The following TUB variants were observed in gnomAD, a reference collection of about 807,000 sequenced individuals.
The protein encoded by TUB is TUB bipartite transcription factor.
In TUB, 33 loss-of-function variants were observed where a neutral mutation model predicts 59.7. The observed-to-expected ratio is 0.55, with a 90% CI of 0.42 to 0.74. TUB has a LOEUF of 0.74. Ranked by LOEUF, TUB falls within the 30% of genes least tolerant of loss-of-function variation. The probability of loss-of-function intolerance (pLI) is 0.00; values close to 1 mark genes in which losing one functional copy is unlikely to be tolerated. For missense variants in TUB, 659 were observed against 672.0 expected (o/e 0.98, Z 0.21); for synonymous variants, 293 against 256.4 (o/e 1.14, Z -1.36).
chr11:8,051,967 T>C (rs1942941326), intron 2 of TUB, among the ~76,000 whole-genome samples: 1 of 152,244 alleles, frequency 6.6e-6, no homozygotes, highest in Admixed American at 6.5e-5. Context: ...AGGCCATCTT[T>C]ATTGTAAACC....
At chr11:8,038,856 C>G in exon 1 of TUB, 1 of 1,613,214 alleles carries the variant, frequency 6.2e-7, no homozygotes, top group South Asian at 1.1e-5. Flanking sequence ...CTTAAACCCA[C>G]TCCATCCTGT....
At chr11:8,019,481 C>A in intron 1 of TUB, 2 of 1,020,474 alleles carry the variant, frequency 2.0e-6, no homozygotes, top group Non-Finnish European at 2.5e-6. Context: ...GGCTTGGGCA[C>A]CCGGACCCTC....
chr11:8,101,209 A>G (rs985842309), intron 11 of TUB, among the ~76,000 whole-genome samples: 8 of 152,260 alleles, frequency 5.3e-5, no homozygotes, highest in African/African-American at 1.2e-4. Context: ...CTGTGTATTC[A>G]ACGGAGTCTC....
intron 4 of TUB, 121 bp downstream of exon 4, chr11:8,094,310 G>C: frequency 2.3e-6 from 3 of 1,305,846 alleles, no homozygotes; most frequent in Non-Finnish European, 3.1e-6. Context: ...GGAAGACACA[G>C]ACTGCCACTC....
chr11:8,071,109 A>G (rs181812897), intron 2 of TUB, among the ~76,000 whole-genome samples: 86 of 152,148 alleles, frequency 5.7e-4, no homozygotes, highest in African/African-American at 2.0e-3. Context: ...GTTCCTAAGC[A>G]CTCATCACCT....
At chr11:8,091,450 A>T (rs1416276472) in intron 3 of TUB, among the ~76,000 whole-genome samples, 1 of 152,118 alleles carries the variant, frequency 6.6e-6, no homozygotes, top group Non-Finnish European at 1.5e-5. Flanking sequence ...TTTCATCCTC[A>T]CAGGAACTCA....
chr11:8,038,647 C>A, exon 1 of TUB: 11 of 1,293,894 alleles, frequency 8.5e-6, no homozygotes, highest in Non-Finnish European at 1.1e-5. Flanking sequence ...AGGATTCAGT[C>A]TGGTCCTGAA....
intron 1 of TUB, among the ~76,000 whole-genome samples, chr11:8,084,730 T>A (rs796596792): frequency 1.3e-5 from 2 of 152,338 alleles, no homozygotes; most frequent in South Asian, 4.1e-4. Flanking sequence ...GGATAGCCTC[T>A]AGGGCTTCCT....
chr11:8,098,139 T>C (rs1469723889), intron 8 of TUB, among the ~76,000 whole-genome samples: 2 of 151,262 alleles, frequency 1.3e-5, no homozygotes, highest in Non-Finnish European at 2.9e-5. Flanking sequence ...CTTGGCTCCA[T>C]GGTCAATGCC....
intron 2 of TUB, among the ~76,000 whole-genome samples, chr11:8,064,537 C>T (rs1301516956): frequency 6.6e-6 from 1 of 152,148 alleles, no homozygotes; most frequent in Non-Finnish European, 1.5e-5. Context: ...TTGCTGGGGT[C>T]TGGGCCCTCA....
rs1434042749 is a variant in TUB, at chr11:8,100,613, C to T, written c.1215+12C>T. 1 of 1,608,698 alleles carries T rather than the reference C, an allele frequency of 6.2e-7. No homozygotes were observed. Among genetic ancestry groups the T allele is most frequent in the African/African-American group, 1.3e-5 (1 of 74,766 alleles). On this transcript the variant is annotated intron_variant, in intron 10 of 11. Transcript: ENST00000299506. ...TCCGCCCCCGCAACGTGAGTGTCTA[C>T]CCCTTCCTCCCCTCTTTCCCCATCA...
chr11:8,020,315 T>C (rs1486911591), intron 1 of TUB, among the ~76,000 whole-genome samples: 5 of 152,204 alleles, frequency 3.3e-5, no homozygotes, highest in Admixed American at 1.3e-4. Context: ...TGCTCTCATC[T>C]CCGTGAAGTC....
chr11:8,026,317 G>A (rs1338524937), intron 1 of TUB, among the ~76,000 whole-genome samples: 1 of 151,780 alleles, frequency 6.6e-6, no homozygotes, highest in Non-Finnish European at 1.5e-5. Flanking sequence ...CAGTTTATCA[G>A]TTTTTTTATA....
intron 2 of TUB, among the ~76,000 whole-genome samples, chr11:8,064,310 C>T (rs563747932): frequency 1.3e-5 from 2 of 152,350 alleles, no homozygotes; most frequent in South Asian, 2.1e-4. Context: ...ACAGGCTGCA[C>T]AGCCTCTTAC....
At chr11:8,029,574 T>G (rs9971444) in intron 1 of TUB, among the ~76,000 whole-genome samples, 151,166 of 152,068 alleles carry the variant, frequency 0.99, 75,139 homozygotes, top group Middle Eastern at 1. Context: ...TTTTTGGTAT[T>G]GACGAGTTTT....
intron 2 of TUB, among the ~76,000 whole-genome samples, chr11:8,040,153 C>T (rs184403067): frequency 3.9e-5 from 6 of 152,308 alleles, no homozygotes; most frequent in South Asian, 2.1e-4. Flanking sequence ...TGCCCTGCCC[C>T]GGGGTGCCGT....
At chr11:8,030,632 T>G (rs1015182243) in intron 1 of TUB, among the ~76,000 whole-genome samples, 1 of 152,124 alleles carries the variant, frequency 6.6e-6, no homozygotes, top group African/African-American at 2.4e-5. Flanking sequence ...CATGCTTTTG[T>G]CCTGGGGAGA....
upstream of TUB, among the ~76,000 whole-genome samples, chr11:8,078,105 T>C (rs117915089): frequency 3.1e-4 from 47 of 152,268 alleles, 1 homozygote; most frequent in East Asian, 4.8e-3. Flanking sequence ...GCTAACCTTC[T>C]TCCCTGGGTG....
intron 2 of TUB, among the ~76,000 whole-genome samples, chr11:8,062,458 A>C (rs1459087094): frequency 6.6e-6 from 1 of 151,836 alleles, no homozygotes; most frequent in Non-Finnish European, 1.5e-5. Context: ...GGGCCTGTGG[A>C]GGGCTCTCCC....
Sources: gnomAD v4.1 joint callset for allele counts (sites outside exome capture counted in the v4.1 genomes callset) on GRCh38, gnomAD v4.1.1 for gene constraint, MANE v1.5 for transcripts, NCBI Gene and HGNC (gene_info 2026-07-23, HGNC 2026-07-21) for gene names.